SBF2: variants seen among roughly 807,000 people sequenced by gnomAD.
The protein encoded by SBF2 is myotubularin-related protein 13.
SBF2 carries 112 observed loss-of-function variants against 225.2 expected under a neutral mutation model. The ratio of observed to expected loss-of-function variants is 0.50; its 90% CI spans 0.43 to 0.58. The LOEUF is 0.58. Among genes scored for constraint, SBF2 ranks in the 20% least tolerant of loss-of-function variants. SBF2 has a pLI of 0.00. For synonymous variants in SBF2, 763 were observed against 773.3 expected, an observed-to-expected ratio of 0.99 and a Z score of 0.22; for missense variants, 1,996 against 2,206.2, an observed-to-expected ratio of 0.90 and a Z score of 1.91.
chr11:10,194,294 A>T (rs1278745710), intron 1 of SBF2, among the ~76,000 whole-genome samples: 3 of 152,216 alleles, frequency 2.0e-5, no homozygotes, highest in African/African-American at 7.2e-5. Context: ...CAGTATAACA[A>T]ATATTTCCAT....
chr11:9,951,924 T>A (rs1865883074), intron 16 of SBF2, among the ~76,000 whole-genome samples: 1 of 152,246 alleles, frequency 6.6e-6, no homozygotes, highest in Non-Finnish European at 1.5e-5. Flanking sequence ...AAGAAAATAA[T>A]GTCCACATGG....
chr11:10,151,273 G>A (rs775072123), intron 2 of SBF2, among the ~76,000 whole-genome samples: 3 of 152,104 alleles, frequency 2.0e-5, no homozygotes, highest in Non-Finnish European at 4.4e-5. Flanking sequence ...CTCTTTGCTC[G>A]CTCAGCCATC....
intron 2 of SBF2, among the ~76,000 whole-genome samples, chr11:10,107,803 C>T (rs1952616579): frequency 6.6e-6 from 1 of 152,132 alleles, no homozygotes; most frequent in African/African-American, 2.4e-5. Flanking sequence ...CATCTGAAAC[C>T]CTCAATTACA....
In SBF2 at chr11:9,961,983, T is replaced by C; in HGVS notation, c.1834A>G (p.Ile612Val). Residue 612 changes from isoleucine (I) to valine (V), a missense_variant, in exon 16 of 40, where the codon ATA becomes GTA. Coordinates refer to ENST00000256190, the MANE Select transcript of SBF2 (RefSeq NM_030962.4). The stretch of plus-strand genomic sequence containing the variant: ...TGTAGAGTACAATTCATCATCCTTA[T>C]TATGTAGTCAAACTGTTGATGGTCT... ...ILDHQQFDYI[I>V]RMMNCTLQDC... is the part of the protein sequence containing the mutation. 1.9e-6 allele frequency: 3 copies of C among 1,613,942 alleles called. No homozygotes were observed. Among genetic ancestry groups the C allele is most frequent in the Non-Finnish European group, 2.5e-6 (3 of 1,179,840 alleles).
At position 10,133,509 on chromosome 11, in the gene SBF2, C is replaced by G. The variant is rs545187883; in HGVS notation, c.141+60393G>C. Among the ~76,000 whole-genome samples the G allele has an allele frequency of 2.0e-3, 275 of 136,172 alleles. 28 individuals carry two copies. The highest frequency in any genetic ancestry group is 6.7e-3 in the African/African-American group (265 of 39,522). The allele number at this position is 136,172 out of a possible 152,430, so 89.3% of individuals were successfully genotyped here. A position where few individuals can be genotyped will look rare whatever the true frequency, so the allele number is the denominator to read the frequency against. ...ACGCAGTGCCGGTGGGCCAGCACTG[C>G]TGGGGGACTCAGTACACCCTCCGCA... On this transcript the variant is annotated intron_variant, in intron 2 of 39. Transcript: ENST00000256190.
At chr11:9,972,031 G>T (rs893050667) in intron 13 of SBF2, among the ~76,000 whole-genome samples, 4 of 152,184 alleles carry the variant, frequency 2.6e-5, no homozygotes, top group African/African-American at 7.2e-5. Context: ...AATTCAATGA[G>T]AGGTAGTATA....
At chr11:9,812,938 A>G (rs906452755) in intron 29 of SBF2, among the ~76,000 whole-genome samples, 33 of 152,330 alleles carry the variant, frequency 2.2e-4, no homozygotes, top group African/African-American at 7.9e-4. Context: ...TCCTTACTAG[A>G]GGTAGATTAC....
chr11:9,924,847 C>T (rs569698568), intron 16 of SBF2, among the ~76,000 whole-genome samples: 3 of 152,292 alleles, frequency 2.0e-5, no homozygotes, highest in Admixed American at 2.0e-4. Flanking sequence ...CTTCCAGGCT[C>T]AGGCAATCCT....
At chr11:10,186,292 C>T (rs1420526780) in intron 2 of SBF2, among the ~76,000 whole-genome samples, 1 of 152,112 alleles carries the variant, frequency 6.6e-6, no homozygotes, top group Non-Finnish European at 1.5e-5. Context: ...AATCTCAGTG[C>T]TTTGGGAGGG....
At chr11:9,929,643 T>G (rs1864335438) in intron 16 of SBF2, among the ~76,000 whole-genome samples, 1 of 152,158 alleles carries the variant, frequency 6.6e-6, no homozygotes, top group South Asian at 2.1e-4. Context: ...TCCATGACAA[T>G]GCATGTCACA....
intron 17 of SBF2, among the ~76,000 whole-genome samples, chr11:9,883,537 G>C (rs912686721): frequency 2.6e-5 from 4 of 152,138 alleles, no homozygotes; most frequent in African/African-American, 9.7e-5. Flanking sequence ...ATCCTCACGT[G>C]TGTATGTGAA....
intron 3 of SBF2, among the ~76,000 whole-genome samples, chr11:10,036,580 A>G (rs1183216932): frequency 6.6e-6 from 1 of 152,176 alleles, no homozygotes; most frequent in East Asian, 1.9e-4. Flanking sequence ...GATATTTAAA[A>G]TCTATGCTAC....
chr11:10,119,920 T>C (rs1591000043), intron 2 of SBF2, among the ~76,000 whole-genome samples: 2 of 152,202 alleles, frequency 1.3e-5, no homozygotes, highest in Non-Finnish European at 2.9e-5. Context: ...GGCCTTAGAA[T>C]CAATATTTTA....
intron 1 of SBF2, among the ~76,000 whole-genome samples, chr11:10,270,994 CAAAAAAAAAAAAAAA>C (rs1180184303): frequency 3.6e-5 from 1 of 27,690 alleles, no homozygotes; most frequent in Non-Finnish European, 7.6e-5. Context: ...GACTCTGTCT[CAAAAAAAAAAAAAAA>C]AAAAAAAAAA....
intron 16 of SBF2, among the ~76,000 whole-genome samples, chr11:9,912,427 A>G (rs1179782970): frequency 6.6e-6 from 1 of 151,454 alleles, no homozygotes; most frequent in African/African-American, 2.4e-5. Flanking sequence ...TCTACTAAAA[A>G]TACAAAAATT....
intron 6 of SBF2, among the ~76,000 whole-genome samples, chr11:10,026,679 T>C (rs555854031): frequency 6.6e-6 from 1 of 152,224 alleles, no homozygotes; most frequent in African/African-American, 2.4e-5. Context: ...TTGGGGGCTG[T>C]AGTAAGCTGT....
At chr11:9,947,242 A>C (rs1590569671) in intron 16 of SBF2, among the ~76,000 whole-genome samples, 1 of 152,342 alleles carries the variant, frequency 6.6e-6, no homozygotes, top group East Asian at 1.9e-4. Context: ...ATTGTTTTAA[A>C]GTGTGCTAGA....
At chr11:10,209,479 C>G (rs1435864375) in intron 1 of SBF2, among the ~76,000 whole-genome samples, 1 of 152,092 alleles carries the variant, frequency 6.6e-6, no homozygotes, top group Non-Finnish European at 1.5e-5. Context: ...TCTGTCCAAA[C>G]AAGTTATGAG....
intron 33 of SBF2, among the ~76,000 whole-genome samples, chr11:9,794,231 C>CA (rs530507811): frequency 1.3e-5 from 2 of 151,746 alleles, no homozygotes; most frequent in African/African-American, 4.8e-5. Context: ...GCCCACGAAA[C>CA]AAAAAAACAA....
Sources: allele counts gnomAD v4.1 joint callset (sites outside exome capture counted in the v4.1 genomes callset), GRCh38; gene constraint gnomAD v4.1.1; transcripts MANE v1.5; gene names NCBI Gene and HGNC (gene_info 2026-07-23, HGNC 2026-07-21).